Variants in MAF observed in about 807,000 individuals in gnomAD.
MAF encodes MAF bZIP transcription factor.
Under a neutral mutation model 22.0 loss-of-function variants are expected in MAF, and 10 were observed. The observed-to-expected ratio is 0.45, with a 90% CI of 0.28 to 0.77. The LOEUF (loss-of-function observed/expected upper bound fraction) is 0.77. Among genes scored for constraint, MAF ranks in the 30% least tolerant of loss-of-function variants. MAF has a pLI of 0.12. For missense variants in MAF, 544 were observed against 548.4 expected, an observed-to-expected ratio of 0.99 and a Z score of 0.08; for synonymous variants, 337 against 255.8, an observed-to-expected ratio of 1.32 and a Z score of -3.03.
chr16:79,407,194 T>C, the MAF span, among the ~76,000 whole-genome samples: 1 of 152,176 alleles, frequency 6.6e-6, no homozygotes, highest in Admixed American at 6.5e-5. Flanking sequence ...GAAGAAGAGC[T>C]ACGGGTTTTA....
At chr16:79,418,478 C>T in the MAF span, among the ~76,000 whole-genome samples, 11 of 152,210 alleles carry the variant, frequency 7.2e-5, no homozygotes, top group South Asian at 2.3e-3. Flanking sequence ...AATTAGTGCG[C>T]TGGGAGTTCT....
At chr16:79,476,903 G>C in the MAF span, among the ~76,000 whole-genome samples, 2 of 152,284 alleles carry the variant, frequency 1.3e-5, no homozygotes, top group South Asian at 4.1e-4. Flanking sequence ...GTGCAGGTCT[G>C]AGGAGAGTGG....
At chr16:79,314,392 T>A in the MAF span, among the ~76,000 whole-genome samples, 1 of 151,964 alleles carries the variant, frequency 6.6e-6, no homozygotes, top group African/African-American at 2.4e-5. Flanking sequence ...GCTCCCAGGG[T>A]ATAACATTTA....
At chr16:79,329,875 T>C in the MAF span, among the ~76,000 whole-genome samples, 2 of 152,240 alleles carry the variant, frequency 1.3e-5, no homozygotes, top group East Asian at 1.9e-4. Flanking sequence ...ACTCACTTCC[T>C]ACATGGAAAT....
At chr16:79,428,016 T>C in the MAF span, among the ~76,000 whole-genome samples, 6 of 143,300 alleles carry the variant, frequency 4.2e-5, no homozygotes, top group South Asian at 1.4e-3. Flanking sequence ...GTTGTAAACC[T>C]GGGAGGTGGA....
At chr16:79,398,094 C>T in the MAF span, among the ~76,000 whole-genome samples, 16 of 152,084 alleles carry the variant, frequency 1.1e-4, no homozygotes, top group Non-Finnish European at 1.9e-4. Context: ...AATGTGCTTC[C>T]CTGCCTTTTT....
the MAF span, among the ~76,000 whole-genome samples, chr16:79,537,491 C>G: frequency 6.6e-6 from 1 of 152,342 alleles, no homozygotes; most frequent in East Asian, 1.9e-4. Flanking sequence ...AGCCACACAG[C>G]TCTAAGTTCG....
the MAF span, among the ~76,000 whole-genome samples, chr16:79,457,211 G>A: frequency 2.0e-5 from 3 of 152,142 alleles, no homozygotes; most frequent in Non-Finnish European, 4.4e-5. Context: ...TATTTTCCAT[G>A]CAACAGGTGT....
the MAF span, among the ~76,000 whole-genome samples, chr16:79,314,768 T>G: frequency 6.6e-6 from 1 of 152,262 alleles, no homozygotes; most frequent in South Asian, 2.1e-4. Flanking sequence ...GCCCAGATGA[T>G]GTTTTGCCAG....
intron 1 of MAF, chr16:79,594,809 C>T: frequency 7.9e-7 from 1 of 1,269,002 alleles, no homozygotes; most frequent in South Asian, 1.9e-5. Context: ...AGTTAACCTT[C>T]TCTTACAGCC....
chr16:79,459,334 T>C, the MAF span, among the ~76,000 whole-genome samples: 2 of 152,216 alleles, frequency 1.3e-5, no homozygotes, highest in South Asian at 2.1e-4. Context: ...GGCTTTGTTC[T>C]AGGGGCTGGG....
chr16:79,461,688 G>A, the MAF span, among the ~76,000 whole-genome samples: 2 of 152,164 alleles, frequency 1.3e-5, no homozygotes, highest in African/African-American at 4.8e-5. Flanking sequence ...GGAGAAATGG[G>A]AGAGGGCGCT....
the MAF span, among the ~76,000 whole-genome samples, chr16:79,547,924 G>GAGAGAGAGAGATAGAGAT: frequency 6.7e-6 from 1 of 148,430 alleles, no homozygotes; most frequent in South Asian, 2.2e-4. Context: ...GAGAGATAGA[G>GAGAGAGAGAGATAGAGAT]AGAGAGAGAG....
At chr16:79,547,920 T>TAGAG in the MAF span, among the ~76,000 whole-genome samples, 1,862 of 120,962 alleles carry the variant, frequency 0.015, 28 homozygotes, top group Admixed American at 0.025. Context: ...GAGAGAGAGA[T>TAGAG]AGAGAGAGAG....
the MAF span, among the ~76,000 whole-genome samples, chr16:79,349,715 C>A: frequency 6.6e-6 from 1 of 152,164 alleles, no homozygotes; most frequent in Non-Finnish European, 1.5e-5. Flanking sequence ...GTTTAAAACT[C>A]TCTCTTGCTT....
At chr16:79,265,892 G>A in the MAF span, among the ~76,000 whole-genome samples, 1 of 152,216 alleles carries the variant, frequency 6.6e-6, no homozygotes, top group Non-Finnish European at 1.5e-5. Flanking sequence ...CAGTCGAGCT[G>A]ATGACTGAGA....
chr16:79,250,545 C>A, the MAF span, among the ~76,000 whole-genome samples: 8 of 152,188 alleles, frequency 5.3e-5, no homozygotes, highest in African/African-American at 1.7e-4. Flanking sequence ...GACTACATTT[C>A]TTTCCCAGGT....
chr16:79,213,359 A>G, the MAF span, among the ~76,000 whole-genome samples: 1 of 152,372 alleles, frequency 6.6e-6, no homozygotes, highest in East Asian at 1.9e-4. Context: ...CCATCTGGCT[A>G]TAGTCTTCCT....
chr16:79,543,395 C>T, the MAF span, among the ~76,000 whole-genome samples: 3 of 152,174 alleles, frequency 2.0e-5, no homozygotes, highest in Admixed American at 6.5e-5. Context: ...ATGGTGCCTA[C>T]AGTAGAGGCT....
Sources: gnomAD v4.1 joint callset for allele counts (sites outside exome capture counted in the v4.1 genomes callset) on GRCh38, gnomAD v4.1.1 for gene constraint, MANE v1.5 for transcripts, NCBI Gene and HGNC (gene_info 2026-07-23, HGNC 2026-07-21) for gene names.